The following ACTL8 variants were observed in gnomAD, a reference collection of about 807,000 sequenced individuals.
The protein encoded by ACTL8 is actin like 8, also known as actin-like protein 8.
ACTL8 carries 3 observed loss-of-function variants against 9.3 expected under a neutral mutation model. That is an observed-to-expected ratio of 0.32 (90% confidence interval 0.15 to 0.83). The LOEUF (loss-of-function observed/expected upper bound fraction) is 0.83, where lower values mean the gene tolerates loss of function less well. Ranked by LOEUF, ACTL8 falls within the 40% of genes least tolerant of loss-of-function variation. The pLI is 0.57. For synonymous variants in ACTL8, 224 were observed against 205.9 expected, an observed-to-expected ratio of 1.09 and a Z score of -0.75; for missense variants, 381 against 492.2, an observed-to-expected ratio of 0.77 and a Z score of 2.14.
chr1:17,808,603 C>T (rs962983645), intron 1 of ACTL8, among the ~76,000 whole-genome samples: 5 of 152,160 alleles, frequency 3.3e-5, no homozygotes, highest in African/African-American at 4.8e-5. Flanking sequence ...GGTTTTTATG[C>T]GGAGCAAATA....
chr1:17,779,436 C>G (rs1191957373), intron 1 of ACTL8, among the ~76,000 whole-genome samples: 1 of 152,170 alleles, frequency 6.6e-6, no homozygotes, highest in Non-Finnish European at 1.5e-5. Flanking sequence ...TGGGAAAATC[C>G]TTTTATCTTT....
chr1:17,778,771 C>T (rs1306016937), intron 1 of ACTL8, among the ~76,000 whole-genome samples: 1 of 152,108 alleles, frequency 6.6e-6, no homozygotes, highest in African/African-American at 2.4e-5. Flanking sequence ...CACAATGTGT[C>T]TGATTAGCTT....
chr1:17,780,190 A>G (rs1404441158), intron 1 of ACTL8, among the ~76,000 whole-genome samples: 1 of 152,152 alleles, frequency 6.6e-6, no homozygotes, highest in Non-Finnish European at 1.5e-5. Context: ...CCTGGGCGAC[A>G]GAGTTGAGAC....
At chr1:17,822,821 T>TG (rs1410878818) in intron 1 of ACTL8, among the ~76,000 whole-genome samples, 164 bp from the exon 2 acceptor site, 2 of 151,894 alleles carry the variant, frequency 1.3e-5, no homozygotes, top group African/African-American at 2.4e-5. Context: ...GAATTTGGGA[T>TG]GGGGGGAGTG....
chr1:17,804,077 G>T (rs1396831047), intron 1 of ACTL8, among the ~76,000 whole-genome samples: 1 of 152,174 alleles, frequency 6.6e-6, no homozygotes, highest in African/African-American at 2.4e-5. Context: ...CGAATTTAAA[G>T]CCCCAAAGGT....
chr1:17,822,186 A>G (rs1413985355), intron 1 of ACTL8, among the ~76,000 whole-genome samples: 1 of 152,108 alleles, frequency 6.6e-6, no homozygotes, highest in African/African-American at 2.4e-5. Context: ...TCGCCTTTGC[A>G]GTCTGGGTTG....
chr1:17,815,763 T>G (rs1557446321), intron 1 of ACTL8, among the ~76,000 whole-genome samples: 1 of 152,208 alleles, frequency 6.6e-6, no homozygotes, highest in Non-Finnish European at 1.5e-5. Context: ...GAGCCAGTCT[T>G]TTTCCTCTCA....
chr1:17,776,099 T>C (rs892529952), intron 1 of ACTL8, among the ~76,000 whole-genome samples: 2 of 152,122 alleles, frequency 1.3e-5, no homozygotes, highest in African/African-American at 4.8e-5. Flanking sequence ...TAGCCTTGCC[T>C]CCCCAACCAA....
At chr1:17,777,853 A>G (rs945134795) in intron 1 of ACTL8, among the ~76,000 whole-genome samples, 5 of 152,182 alleles carry the variant, frequency 3.3e-5, no homozygotes, top group Middle Eastern at 3.2e-3. Flanking sequence ...ATGTACCACC[A>G]TGCCCGGCTA....
intron 2 of ACTL8, among the ~76,000 whole-genome samples, chr1:17,824,296 T>G (rs1359274168): frequency 6.6e-6 from 1 of 152,146 alleles, no homozygotes; most frequent in Non-Finnish European, 1.5e-5. Context: ...CCACACACAT[T>G]CATTTATATG....
Position 17,772,557 on chromosome 1 carries a change from A to C in ACTL8, c.-25+17053A>C, listed in dbSNP as rs147963075. On this transcript the variant is annotated intron_variant, in intron 1 of 2. Coordinates refer to ENST00000375406, the MANE Select transcript of ACTL8 (RefSeq NM_030812.3). ...ACCAGGGATGTTGGGGCAGCTCCAC[A>C]ATTCTGACCACACAAACTCAGCAAA... 2.1e-3 allele frequency among the ~76,000 whole-genome samples: 315 copies of C among 152,322 alleles called. 2 individuals carry two copies. Among genetic ancestry groups the C allele is most frequent in the Non-Finnish European group, 3.0e-3 (204 of 68,032 alleles).
At chr1:17,794,551 TC>T (rs2066264060) in intron 1 of ACTL8, among the ~76,000 whole-genome samples, 1 of 152,230 alleles carries the variant, frequency 6.6e-6, no homozygotes, top group Admixed American at 6.5e-5. Flanking sequence ...TGTGTTTTCC[TC>T]TTTGCTTTGG....
At chr1:17,824,942 G>A (rs190607743) in intron 2 of ACTL8, among the ~76,000 whole-genome samples, 1 of 152,236 alleles carries the variant, frequency 6.6e-6, no homozygotes, top group Non-Finnish European at 1.5e-5. Flanking sequence ...CCCTCCCACT[G>A]AGGGGAGACG....
In ACTL8 at chr1:17,800,583, CTTTTTTTTTTTTTT is replaced by C. The variant is rs59143238; in HGVS notation, c.-24-22388_-24-22375del. 1.3e-3 allele frequency among the ~76,000 whole-genome samples: 90 copies of C among 69,156 alleles called. 4 individuals carry two copies. Among genetic ancestry groups the C allele is most frequent in the African/African-American group, 5.1e-3 (79 of 15,486 alleles). 45.4% of individuals were successfully genotyped at this position (69,156 alleles called of 152,430 possible). Reference sequence around the variant, plus strand: ...CAAACTTCCTTGCCTTGGTGTCAATCTTTTTTTTTTTTTTTTTTTTTTTTTTTGAGACAGAGTCT... The same window carrying C: ...CAAACTTCCTTGCCTTGGTGTCAATCTTTTTTTTTTTTTGAGACAGAGTCT... On this transcript the variant is annotated intron_variant, in intron 1 of 2. Transcript: ENST00000375406.
intron 1 of ACTL8, 115 bp from the exon 2 acceptor site, chr1:17,822,870 G>C: frequency 1.5e-6 from 1 of 678,390 alleles, no homozygotes. Flanking sequence ...AGGCTTGGAA[G>C]GGGCAGTGGA....
At chr1:17,803,877 C>T (rs1238251373) in intron 1 of ACTL8, among the ~76,000 whole-genome samples, 1 of 152,176 alleles carries the variant, frequency 6.6e-6, no homozygotes, top group Non-Finnish European at 1.5e-5. Context: ...ATTTCCATCA[C>T]TATGCTTCTG....
At chr1:17,801,604 C>T (rs999503095) in intron 1 of ACTL8, among the ~76,000 whole-genome samples, 4 of 151,800 alleles carry the variant, frequency 2.6e-5, no homozygotes, top group African/African-American at 9.7e-5. Flanking sequence ...AGTTTGTGTT[C>T]TATTATAGTA....
Position 17,821,451 on chromosome 1 carries a change from A to G in ACTL8, c.-24-1534A>G, listed in dbSNP as rs2053658940. ...GTTAATTTTTTGTAAGGTGTGAGGTATGGGCTAAGGTTCTTTTTTTGGTAT... is the reference window on the plus strand; with the variant it reads ...GTTAATTTTTTGTAAGGTGTGAGGTGTGGGCTAAGGTTCTTTTTTTGGTAT... On this transcript the variant is annotated intron_variant, in intron 1 of 2. Coordinates refer to ENST00000375406, the MANE Select transcript of ACTL8 (RefSeq NM_030812.3). 2.0e-5 allele frequency among the ~76,000 whole-genome samples: 3 copies of G among 152,176 alleles called. No homozygotes were observed. The South Asian group carries it at 6.2e-4, about 31-fold the overall frequency.
intron 2 of ACTL8, among the ~76,000 whole-genome samples, chr1:17,824,977 G>A (rs1316464296): frequency 6.6e-6 from 1 of 151,970 alleles, no homozygotes; most frequent in African/African-American, 2.4e-5. Flanking sequence ...GCTTGAAGAG[G>A]TGAGTAAGTG....
Sources: allele counts gnomAD v4.1 joint callset (sites outside exome capture counted in the v4.1 genomes callset), GRCh38; gene constraint gnomAD v4.1.1; transcripts MANE v1.5; gene names NCBI Gene and HGNC (gene_info 2026-07-23, HGNC 2026-07-21).